Variants in FAM184A observed in about 807,000 individuals in gnomAD.
The protein encoded by FAM184A is family with sequence similarity 184 member A.
In FAM184A, 99 loss-of-function variants were observed where a neutral mutation model predicts 143.8. The observed-to-expected ratio is 0.69, with a 90% CI of 0.58 to 0.81. The LOEUF (loss-of-function observed/expected upper bound fraction) is 0.81, where lower values mean the gene tolerates loss of function less well. FAM184A is among the 40% of genes least tolerant of loss of function. The pLI is 0.00. For missense variants in FAM184A, 1,217 were observed against 1,310.5 expected (o/e 0.93, Z 1.10); for synonymous variants, 427 against 446.4 (o/e 0.96, Z 0.55).
At chr6:119,118,033 T>G (rs1377038438) in intron 1 of FAM184A, among the ~76,000 whole-genome samples, 1 of 152,188 alleles carries the variant, frequency 6.6e-6, no homozygotes, top group Non-Finnish European at 1.5e-5. Context: ...CACTCAGATT[T>G]TAAGGCAGAA....
At chr6:118,974,342 G>A (rs1298154478) in intron 14 of FAM184A, 86 bp downstream of exon 14, 1 of 1,293,734 alleles carries the variant, frequency 7.7e-7, no homozygotes, top group South Asian at 1.6e-5. Context: ...TTTTATTAGA[G>A]TCAAAATAAC....
intron 9 of FAM184A, among the ~76,000 whole-genome samples, chr6:119,001,940 T>G (rs1784771181): frequency 6.6e-6 from 1 of 152,096 alleles, no homozygotes; most frequent in Admixed American, 6.5e-5. Context: ...CCCTTGTTCT[T>G]TTTTTTGTCT....
rs562603168 is a variant in FAM184A, at chr6:118,965,866, C to G, written c.3033+969G>C. Among the ~76,000 whole-genome samples the G allele has an allele frequency of 2.6e-5, 4 of 152,330 alleles. No homozygotes were observed. The East Asian group carries it at 7.7e-4, about 29-fold the overall frequency. ...ATGGAACAGAGTTTCAATACATTTACTATGCTTGCTGATTTCATGTGTGAA... is the reference window on the plus strand; with the variant it reads ...ATGGAACAGAGTTTCAATACATTTAGTATGCTTGCTGATTTCATGTGTGAA... On this transcript the variant is annotated intron_variant, in intron 15 of 17. Transcript: ENST00000338891.
chr6:118,984,158 A>AAAAT lies in FAM184A; in HGVS notation c.2089-3809_2089-3808insATTT, dbSNP rs375843703. On this transcript the variant is annotated intron_variant, in intron 9 of 17. Coordinates refer to ENST00000338891, the MANE Select transcript of FAM184A (RefSeq NM_024581.6). ...ATAACGAAACTCCATTTAAAAAAAAAATATATATATATATATATATTTATA... is the reference window on the plus strand; with the variant it reads ...ATAACGAAACTCCATTTAAAAAAAAAAAATATATATATATATATATATATTTATA... Among the ~76,000 whole-genome samples the AAAAT allele has an allele frequency of 1.6e-3, 201 of 126,938 alleles. 2 individuals are homozygous for AAAAT. The highest frequency in any genetic ancestry group is 4.7e-3 in the East Asian group (22 of 4,704). 83.3% of individuals were successfully genotyped at this position (126,938 alleles called of 152,430 possible).
intron 14 of FAM184A, 61 bp from the exon 15 acceptor site, chr6:118,967,013 T>C: frequency 1.3e-6 from 1 of 776,566 alleles, no homozygotes; most frequent in South Asian, 1.8e-5. Context: ...CTGTAATACC[T>C]ACATTAAAAA....
At chr6:119,125,166 T>A (rs72955068) in intron 1 of FAM184A, among the ~76,000 whole-genome samples, 1 of 152,264 alleles carries the variant, frequency 6.6e-6, no homozygotes, top group Non-Finnish European at 1.5e-5. Flanking sequence ...AGAAAATTTG[T>A]ATGTAAGTCT....
chr6:118,983,039 C>G (rs2114588734), intron 9 of FAM184A, among the ~76,000 whole-genome samples: 1 of 152,188 alleles, frequency 6.6e-6, no homozygotes, highest in Admixed American at 6.5e-5. Context: ...ATTTAGTGTT[C>G]AAACATACTT....
In FAM184A at chr6:118,961,846, T is replaced by C. The variant is rs1783336182; in HGVS notation, c.3256A>G (p.Asn1086Asp). ...AACTCAATATCGTGGACTGGAGAAT[T>C]AGGAATGGGATCCAGGCGGTTAGGA... ...GHPNRLDPIPNSPVHDIEFNS... is the reference protein window; with the variant it reads ...GHPNRLDPIPDSPVHDIEFNS... The change falls in exon 17 of 18, where the codon AAT becomes GAT. Residue 1086 changes from asparagine (N) to aspartate (D), a missense_variant. Asn to Asp is a conservative substitution (Grantham distance 23). Coordinates refer to ENST00000338891, the MANE Select transcript of FAM184A (RefSeq NM_024581.6). 3.1e-6 allele frequency: 5 copies of C among 1,613,894 alleles called. No homozygotes were observed. Among genetic ancestry groups the C allele is most frequent in the Non-Finnish European group, 3.4e-6 (4 of 1,179,878 alleles).
intron 9 of FAM184A, among the ~76,000 whole-genome samples, chr6:118,983,228 T>C (rs1283557829): frequency 6.6e-6 from 1 of 152,164 alleles, no homozygotes; most frequent in Non-Finnish European, 1.5e-5. Flanking sequence ...TTGCAATAAA[T>C]AGCTTTTATT....
At position 119,078,353 on chromosome 6, in the gene FAM184A, G is replaced by A. The variant is rs1582595098; in HGVS notation, c.-54C>T. 4 of 1,373,330 alleles carry A rather than the reference G, an allele frequency of 2.9e-6. No homozygotes were observed. The highest frequency in any genetic ancestry group is 6.1e-5 in the East Asian group (2 of 32,630). The allele number at this position is 1,373,330 out of a possible 1,614,324, so 85.1% of individuals were successfully genotyped here. ...TGTCCCCGCGGGTGGAGGCAGGCCC[G>A]TGGAGCAACGACGCCCGGGAGGCAA... On this transcript the variant is annotated 5_prime_UTR_variant, in exon 1 of 18. In the 5' UTR this introduces an upstream ATG that the reference lacks. Transcript: ENST00000338891. The surrounding 1 kb of genome is among the most constrained non-coding windows in gnomAD (Gnocchi z 5.5).
chr6:119,003,677 G>GA, intron 7 of FAM184A, 55 bp from the exon 8 acceptor site: 3 of 1,509,640 alleles, frequency 2.0e-6, no homozygotes, highest in Middle Eastern at 1.8e-4. Context: ...AACACTGCTG[G>GA]TTATTTTAAA....
chr6:119,023,069 T>C lies in FAM184A; in HGVS notation c.1026A>G (p.Lys342=). The C allele has an allele frequency of 6.2e-7, 1 of 1,614,096 alleles. No individual in the cohort carries two copies. Among genetic ancestry groups the C allele is most frequent in the Non-Finnish European group, 8.5e-7 (1 of 1,179,986 alleles). Residue 342 remains lysine (K), a synonymous_variant, in exon 3 of 18, where the codon AAA becomes AAG. Coordinates refer to ENST00000338891, the MANE Select transcript of FAM184A (RefSeq NM_024581.6). ...CTCCCTCCTTGGCATCATCAAGCTG[T>C]TTTTGAAGAACCTAAGAAAGATTAA... is the stretch of plus-strand genomic sequence containing the variant. ...IAENNVQVLQ[K]QLDDAKEGEM...
At position 118,966,716 on chromosome 6, in the gene FAM184A, A is replaced by G. The variant is rs2114541664; in HGVS notation, c.3033+119T>C. 1.1e-5 allele frequency: 5 copies of G among 468,680 alleles called. 1 individual carries two copies. The East Asian group carries it at 1.6e-4, about 15-fold the overall frequency. The allele number at this position is 468,680 out of a possible 1,614,324, so 29.0% of individuals were successfully genotyped here. ...ACATTTCAATGAACTTTCAATCACA[A>G]TGCACATGTTCTGTGTTTTCTATTT... On this transcript the variant is annotated intron_variant, in intron 15 of 17. Transcript: ENST00000338891.
rs1249804483 is a variant in FAM184A, at chr6:119,016,735, A to G, written c.1530+12T>C. On this transcript the variant is annotated intron_variant, in intron 5 of 17. Coordinates refer to ENST00000338891, the MANE Select transcript of FAM184A (RefSeq NM_024581.6). Reference sequence around the variant, plus strand: ...AATTTACAATGCAATGATAAATTAAATTTTTACTCACCATTTGCAGTTTTT... The same window carrying G: ...AATTTACAATGCAATGATAAATTAAGTTTTTACTCACCATTTGCAGTTTTT... 1.2e-6 allele frequency: 2 copies of G among 1,603,762 alleles called. No individual in the cohort carries two copies. The highest frequency in any genetic ancestry group is 4.5e-5 in the East Asian group (2 of 44,812).
At chr6:118,971,848 T>C (rs997816813) in intron 14 of FAM184A, among the ~76,000 whole-genome samples, 3 of 110,672 alleles carry the variant, frequency 2.7e-5, no homozygotes, top group African/African-American at 6.3e-5. Flanking sequence ...TCAACAGGAT[T>C]TGGGGCAGGA....
intron 1 of FAM184A, among the ~76,000 whole-genome samples, chr6:119,098,282 C>T (rs1345974111): frequency 6.6e-6 from 1 of 152,178 alleles, no homozygotes; most frequent in African/African-American, 2.4e-5. Flanking sequence ...TTCCCAGCCA[C>T]GTGGAACTGT....
rs758496222 is a variant in FAM184A at position 119,016,980 on chromosome 6, CT to C, written c.1333-37del. 11 of 1,437,608 alleles carry C rather than the reference CT, an allele frequency of 7.7e-6. No homozygotes were observed. In the East Asian group the frequency reaches 2.5e-4, roughly 33 times the overall value. 89.1% of individuals were successfully genotyped at this position (1,437,608 alleles called of 1,614,324 possible). A position where few individuals can be genotyped will look rare whatever the true frequency, so the allele number is the denominator to read the frequency against. ...AACAAAGATCAATAATCGGCACCTG[CT>C]TTTTTCATTACTGTTATTAGGGTAA... On this transcript the variant is annotated intron_variant, in intron 4 of 17. Coordinates refer to ENST00000338891, the MANE Select transcript of FAM184A (RefSeq NM_024581.6).
chr6:119,127,733 GAT>G (rs2114870719), intron 1 of FAM184A, among the ~76,000 whole-genome samples: 1 of 152,292 alleles, frequency 6.6e-6, no homozygotes, highest in South Asian at 2.1e-4. Context: ...TCCTTCCCAA[GAT>G]GTCATAACAG....
intron 14 of FAM184A, among the ~76,000 whole-genome samples, chr6:118,968,945 T>G (rs1221050132): frequency 6.6e-6 from 1 of 152,192 alleles, no homozygotes; most frequent in Non-Finnish European, 1.5e-5. Flanking sequence ...TCTGATATAG[T>G]TTGGCTGTGT....
Sources: allele counts gnomAD v4.1 joint callset (sites outside exome capture counted in the v4.1 genomes callset), GRCh38; gene constraint gnomAD v4.1.1; non-coding constraint Gnocchi (gnomAD v3.1); transcripts MANE v1.5; gene names NCBI Gene and HGNC (gene_info 2026-07-23, HGNC 2026-07-21).